Variants in XRCC5 observed in about 807,000 individuals in gnomAD.
XRCC5 encodes DNA repair protein Ku80.
In XRCC5, 12 loss-of-function variants were observed where a neutral mutation model predicts 95.7. That is an observed-to-expected ratio of 0.13 (90% CI 0.08 to 0.20). XRCC5 has a LOEUF of 0.20. Ranked by LOEUF, XRCC5 falls within the 10% of genes least tolerant of loss-of-function variation. XRCC5 has a pLI of 1.00. For missense variants in XRCC5, 595 were observed against 873.9 expected, an observed-to-expected ratio of 0.68 and a Z score of 4.02; for synonymous variants, 281 against 290.3, an observed-to-expected ratio of 0.97 and a Z score of 0.33.
At chr2:216,135,670 G>T (rs771700829) in intron 10 of XRCC5, among the ~76,000 whole-genome samples, 2 of 151,950 alleles carry the variant, frequency 1.3e-5, no homozygotes, top group African/African-American at 4.8e-5. Context: ...ATGGTGGCGC[G>T]TGCCTATAAT....
At chr2:216,187,791 A>ACACACACACAC (rs1237740131) in intron 16 of XRCC5, among the ~76,000 whole-genome samples, 1 of 59,420 alleles carries the variant, frequency 1.7e-5, no homozygotes, top group African/African-American at 1.1e-4. Flanking sequence ...CTCCTGACAC[A>ACACACACACAC]CACACACACA....
chr2:216,112,947 C>T, intron 1 of XRCC5, 69 bp from the exon 2 acceptor site: 1 of 1,207,170 alleles, frequency 8.3e-7, no homozygotes, highest in Admixed American at 1.9e-5. Context: ...ATACAATAAG[C>T]AAGGGACATT....
chr2:216,116,901 A>C (rs1224246677), intron 3 of XRCC5, 59 bp downstream of exon 3: 48 of 1,579,128 alleles, frequency 3.0e-5, no homozygotes. Flanking sequence ...GGAATCGTAC[A>C]GCAGTTTGAT....
chr2:216,123,166 C>T (rs1274499372), intron 6 of XRCC5, among the ~76,000 whole-genome samples: 2 of 152,140 alleles, frequency 1.3e-5, no homozygotes, highest in Admixed American at 1.3e-4. Context: ...TGTTTAAGCA[C>T]ATTGAAGTAG....
At chr2:216,123,425 A>G (rs993032508) in intron 6 of XRCC5, among the ~76,000 whole-genome samples, 7 of 152,228 alleles carry the variant, frequency 4.6e-5, no homozygotes, top group Admixed American at 6.5e-5. Flanking sequence ...TCTTGTCACA[A>G]TATTTACAGA....
At chr2:216,138,318 T>A in intron 12 of XRCC5, 139 bp downstream of exon 12, 1 of 732,156 alleles carries the variant, frequency 1.4e-6, no homozygotes, top group Non-Finnish European at 2.3e-6. Flanking sequence ...TTAGACACAG[T>A]AATGATGAAG....
At chr2:216,169,956 T>C (rs1689125044) in intron 16 of XRCC5, among the ~76,000 whole-genome samples, 1 of 140,758 alleles carries the variant, frequency 7.1e-6, no homozygotes, top group South Asian at 2.2e-4. Flanking sequence ...GGAAAATTGC[T>C]TGAACCCGGG....
At chr2:216,138,209 T>C in intron 12 of XRCC5, 30 bp downstream of exon 12, 1 of 1,576,078 alleles carries the variant, frequency 6.3e-7, no homozygotes, top group Non-Finnish European at 8.7e-7. Context: ...GATCACTCAT[T>C]GACTACACAC....
At chr2:216,131,040 G>T in intron 9 of XRCC5, 53 bp downstream of exon 9, 1 of 1,505,008 alleles carries the variant, frequency 6.6e-7, no homozygotes, top group Non-Finnish European at 9.1e-7. Flanking sequence ...ATTTGAAATG[G>T]TATGCTTTTG....
Position 216,205,382 on chromosome 2 carries a change from G to T in XRCC5, c.*180G>T. The T allele has an allele frequency of 4.6e-6, 3 of 657,016 alleles. No homozygotes were observed. Among genetic ancestry groups the T allele is most frequent in the Non-Finnish European group, 2.7e-6 (1 of 370,716 alleles). The allele number at this position is 657,016 out of a possible 1,614,324, so 40.7% of individuals were successfully genotyped here. A position where few individuals can be genotyped will look rare whatever the true frequency, so the allele number is the denominator to read the frequency against. ...TGAATACACACATATATATTACAAG[G>T]GATAATTTAGACCCCATACAAGTTT... On this transcript the variant is annotated 3_prime_UTR_variant, in exon 21 of 21. Transcript: ENST00000392132.
intron 13 of XRCC5, among the ~76,000 whole-genome samples, chr2:216,146,718 G>A (rs1688642540): frequency 1.3e-5 from 2 of 152,188 alleles, no homozygotes; most frequent in Non-Finnish European, 1.5e-5. Context: ...ACTTGAGGCA[G>A]GATAGGTGGT....
chr2:216,198,509 CTT>C (rs2106052582), intron 19 of XRCC5, among the ~76,000 whole-genome samples: 1 of 152,024 alleles, frequency 6.6e-6, no homozygotes, highest in Admixed American at 6.6e-5. Flanking sequence ...AGAGTGAAAA[CTT>C]GATCCTTTGT....
At chr2:216,175,573 A>G (rs1574479267) in intron 16 of XRCC5, 7 of 397,768 alleles carry the variant, frequency 1.8e-5, no homozygotes, top group Non-Finnish European at 9.7e-6. Flanking sequence ...CATAACTTGT[A>G]TGGTTTCAGT....
At chr2:216,180,163 A>G (rs1433553938) in intron 16 of XRCC5, among the ~76,000 whole-genome samples, 1 of 152,196 alleles carries the variant, frequency 6.6e-6, no homozygotes, top group African/African-American at 2.4e-5. Flanking sequence ...AGCCATAGAG[A>G]CTTTAAGACA....
At chr2:216,126,131 A>G in intron 7 of XRCC5, 100 bp downstream of exon 7, 1 of 913,086 alleles carries the variant, frequency 1.1e-6, no homozygotes, top group South Asian at 1.7e-5. Context: ...TCGGAACCAT[A>G]ATTACTGCTT....
At chr2:216,132,215 C>A in intron 9 of XRCC5, 110 bp from the exon 10 acceptor site, 1 of 1,015,246 alleles carries the variant, frequency 9.8e-7, no homozygotes, top group Non-Finnish European at 1.5e-6. Context: ...TTTTTAGTAT[C>A]TGAATGTTTT....
intron 19 of XRCC5, among the ~76,000 whole-genome samples, chr2:216,198,958 G>A (rs533888167): frequency 1.3e-5 from 2 of 152,278 alleles, no homozygotes; most frequent in African/African-American, 4.8e-5. Context: ...GGAAGATTCT[G>A]GCTCAAGGAA....
chr2:216,187,970 A>C (rs1178392012), intron 16 of XRCC5, among the ~76,000 whole-genome samples: 1 of 150,554 alleles, frequency 6.6e-6, no homozygotes, highest in Non-Finnish European at 1.5e-5. Flanking sequence ...TTTCTTCTAC[A>C]CTTTCTAAGG....
intron 16 of XRCC5, among the ~76,000 whole-genome samples, chr2:216,183,248 C>G (rs760417112): frequency 6.6e-6 from 1 of 152,128 alleles, no homozygotes; most frequent in Non-Finnish European, 1.5e-5. Context: ...ATCTCATAGT[C>G]TGCAGGAATG....
Sources: allele counts gnomAD v4.1 joint callset (sites outside exome capture counted in the v4.1 genomes callset), GRCh38; gene constraint gnomAD v4.1.1; transcripts MANE v1.5; gene names NCBI Gene and HGNC (gene_info 2026-07-23, HGNC 2026-07-21).